The following USP45 variants were observed in gnomAD, a reference collection of about 807,000 sequenced individuals.
USP45 encodes the protein ubiquitin specific peptidase 45, also known as ubiquitin carboxyl-terminal hydrolase 45.
USP45 carries 89 observed loss-of-function variants against 95.8 expected under a neutral mutation model. That is an observed-to-expected ratio of 0.93 (90% CI 0.78 to 1.11). The LOEUF is 1.11. Among genes scored for constraint, USP45 ranks in the 50% least tolerant of loss-of-function variants. USP45 has a pLI of 0.00. For missense variants in USP45, 898 were observed against 942.5 expected (o/e 0.95, Z 0.62); for synonymous variants, 281 against 316.2 (o/e 0.89, Z 1.18).
At chr6:99,463,945 T>C (rs1787219246) in intron 13 of USP45, among the ~76,000 whole-genome samples, 4 of 152,044 alleles carry the variant, frequency 2.6e-5, no homozygotes, top group African/African-American at 7.2e-5. Flanking sequence ...ACTGAATCCT[T>C]ATTTATTTAT....
intron 9 of USP45, 78 bp downstream of exon 9, chr6:99,476,065 G>A (rs921109727): frequency 3.7e-6 from 5 of 1,334,362 alleles, no homozygotes; most frequent in East Asian, 2.4e-5. Flanking sequence ...GATCCACCCC[G>A]CCTTGGCCCC....
intron 9 of USP45, among the ~76,000 whole-genome samples, chr6:99,472,794 A>C (rs1037531006): frequency 3.9e-5 from 6 of 152,230 alleles, no homozygotes; most frequent in Non-Finnish European, 8.8e-5. Flanking sequence ...AATTGTGGTT[A>C]CATTTTAAAT....
intron 4 of USP45, among the ~76,000 whole-genome samples, chr6:99,504,740 G>A (rs755771534): frequency 2.6e-5 from 4 of 152,092 alleles, no homozygotes; most frequent in Non-Finnish European, 4.4e-5. Flanking sequence ...GCCACCTAGG[G>A]GACATTTGAC....
At chr6:99,501,743 ATGTATT>A in intron 5 of USP45, 1 of 302,340 alleles carries the variant, frequency 3.3e-6, no homozygotes, top group Non-Finnish European at 5.8e-6. Context: ...AACATACGTT[ATGTATT>A]ATTTATTTGT....
rs1782503322 is a variant in USP45 at position 99,446,140 on chromosome 6, G to A, written c.1632C>T (p.Tyr544=). Residue 544 remains tyrosine, a synonymous_variant, in exon 14 of 18, where the codon TAC becomes TAT. Transcript: ENST00000500704. ...LYPLSAGKLL[Y]TKETDSGDKE... The stretch of plus-strand genomic sequence containing the variant: ...TATCACCACTGTCAGTCTCCTTGGT[G>A]TACAGCAGTTTACCTGCTGACAGAG... 2 of 1,614,110 alleles carry A rather than the reference G, an allele frequency of 1.2e-6. No homozygotes were observed. Among genetic ancestry groups the A allele is most frequent in the East Asian group, 4.5e-5 (2 of 44,876 alleles).
chr6:99,488,050 A>C, intron 7 of USP45, 150 bp downstream of exon 7: 1 of 614,432 alleles, frequency 1.6e-6, no homozygotes, highest in Non-Finnish European at 2.8e-6. Flanking sequence ...AGAAATTTTA[A>C]ATCTGATTAT....
intron 6 of USP45, among the ~76,000 whole-genome samples, 163 bp from the exon 7 acceptor site, chr6:99,488,458 G>A (rs1312451410): frequency 6.6e-6 from 1 of 152,096 alleles, no homozygotes; most frequent in Non-Finnish European, 1.5e-5. Context: ...CACTATTACC[G>A]ATAGAGCCAT....
intron 17 of USP45, among the ~76,000 whole-genome samples, chr6:99,436,629 T>TC (rs1562289894): frequency 2.0e-5 from 3 of 149,724 alleles, no homozygotes; most frequent in African/African-American, 7.3e-5. Context: ...CTCCAACTCT[T>TC]CTGACAATCT....
Position 99,507,467 on chromosome 6 carries a change from G to A in USP45, c.338C>T (p.Pro113Leu). 6.2e-7 allele frequency: 1 copy of A among 1,612,744 alleles called. No individual in the cohort carries two copies. Among genetic ancestry groups the A allele is most frequent in the Non-Finnish European group, 8.5e-7 (1 of 1,179,406 alleles). The change falls in exon 4 of 18, where the codon CCC becomes CTC. Residue 113 changes from proline to leucine, a missense_variant. Transcript: ENST00000500704. ...LKHFKSSRTE[P>L]HCIIINLSTW... Reference sequence around the variant, plus strand: ...GCTCAGATTAATTATAATACAATGGGGCTCTGTTCTGGAACTCTTAAAGTG... The same window carrying A: ...GCTCAGATTAATTATAATACAATGGAGCTCTGTTCTGGAACTCTTAAAGTG...
At chr6:99,484,175 CTTT>C (rs113730302) in intron 7 of USP45, among the ~76,000 whole-genome samples, 1 of 139,470 alleles carries the variant, frequency 7.2e-6, no homozygotes. Flanking sequence ...TGTGTTTTTT[CTTT>C]TTTTTTTTTT....
intron 13 of USP45, among the ~76,000 whole-genome samples, chr6:99,447,554 G>A (rs1045826884): frequency 6.6e-6 from 1 of 152,144 alleles, no homozygotes; most frequent in African/African-American, 2.4e-5. Flanking sequence ...CAGGAAGCTC[G>A]AACTGGGTGG....
At chr6:99,467,442 A>T (rs1220395266) in intron 10 of USP45, among the ~76,000 whole-genome samples, 1 of 152,004 alleles carries the variant, frequency 6.6e-6, no homozygotes, top group African/African-American at 2.4e-5. Flanking sequence ...GTATATTAAC[A>T]AACCTATTCA....
intron 13 of USP45, among the ~76,000 whole-genome samples, chr6:99,452,182 G>A (rs1784017389): frequency 6.6e-6 from 1 of 152,278 alleles, no homozygotes; most frequent in Middle Eastern, 3.4e-3. Flanking sequence ...TGACAAATGG[G>A]ATCTAATTAA....
In USP45 at chr6:99,432,695, A is replaced by G. The variant is rs1395916222; in HGVS notation, c.*3021T>C. ...TGCACTAGATACTATCTAAAGGCTC[A>G]ATTTTATTGCACATATTTGGTTTAG... On this transcript the variant is annotated 3_prime_UTR_variant, in exon 18 of 18. Coordinates refer to ENST00000500704, the MANE Select transcript of USP45 (RefSeq NM_001346022.3). 1 of 152,594 alleles carries G rather than the reference A, an allele frequency of 6.6e-6. No homozygotes were observed. The highest frequency in any genetic ancestry group is 1.5e-5 in the Non-Finnish European group (1 of 68,038). 9.5% of individuals were successfully genotyped at this position (152,594 alleles called of 1,614,324 possible).
intron 12 of USP45, 146 bp downstream of exon 12, chr6:99,464,934 C>G: frequency 1.1e-6 from 1 of 942,462 alleles, no homozygotes. Context: ...ACACAAACCC[C>G]CAAATCAGAC....
intron 10 of USP45, among the ~76,000 whole-genome samples, chr6:99,467,063 A>T (rs986768694): frequency 6.6e-5 from 10 of 152,170 alleles, no homozygotes; most frequent in Non-Finnish European, 1.2e-4. Flanking sequence ...ATAAAACCTC[A>T]TGTCTAACCA....
chr6:99,448,500 A>G (rs1281029212), intron 13 of USP45, among the ~76,000 whole-genome samples: 2 of 152,200 alleles, frequency 1.3e-5, no homozygotes, highest in Non-Finnish European at 2.9e-5. Flanking sequence ...AAAAAAGAAT[A>G]AAAAGAAACA....
intron 13 of USP45, among the ~76,000 whole-genome samples, chr6:99,455,712 T>TA (rs1422397706): frequency 6.8e-6 from 1 of 147,050 alleles, no homozygotes; most frequent in East Asian, 2.0e-4. Flanking sequence ...AAGAATGAAA[T>TA]CCTGTCATTT....
rs1781082168 is a variant in USP45, at chr6:99,439,330, C to T, written c.2160+439G>A. Among the ~76,000 whole-genome samples the T allele has an allele frequency of 3.3e-5, 5 of 152,172 alleles. No homozygotes were observed. In the South Asian group the frequency reaches 6.2e-4, roughly 19 times the overall value. On this transcript the variant is annotated intron_variant, in intron 16 of 17. Coordinates refer to ENST00000500704, the MANE Select transcript of USP45 (RefSeq NM_001346022.3). ...GCAGCAGTTTTGAAGTATCACACTC[C>T]GCTGACAAGTACACCACTCTCAGTA... is the stretch of plus-strand genomic sequence containing the variant.
Sources: gnomAD v4.1 joint callset for allele counts (sites outside exome capture counted in the v4.1 genomes callset) on GRCh38, gnomAD v4.1.1 for gene constraint, MANE v1.5 for transcripts, NCBI Gene and HGNC (gene_info 2026-07-23, HGNC 2026-07-21) for gene names.